Variants in NCOA1 observed in about 807,000 individuals in gnomAD.
NCOA1 encodes Hin-2 protein.
Under a neutral mutation model 150.9 loss-of-function variants are expected in NCOA1, and 35 were observed. The observed-to-expected ratio is 0.23, with a 90% CI of 0.18 to 0.31. The LOEUF (loss-of-function observed/expected upper bound fraction) is 0.31, where lower values mean the gene tolerates loss of function less well. Ranked by LOEUF, NCOA1 falls within the 10% of genes least tolerant of loss-of-function variation. The pLI is 1.00. For synonymous variants in NCOA1, 590 were observed against 630.0 expected (o/e 0.94, Z 0.95); for missense variants, 1,491 against 1,749.3 (o/e 0.85, Z 2.63).
intron 3 of NCOA1, among the ~76,000 whole-genome samples, chr2:24,588,246 A>C (rs901743559): frequency 6.6e-6 from 1 of 152,002 alleles, no homozygotes; most frequent in East Asian, 1.9e-4. Context: ...CACCATACCC[A>C]TTAATTTTTC....
intron 22 of NCOA1, among the ~76,000 whole-genome samples, chr2:24,765,777 TG>T (rs1184958773): frequency 1.3e-5 from 2 of 152,218 alleles, no homozygotes; most frequent in Non-Finnish European, 2.9e-5. Flanking sequence ...TCTGAGAAGT[TG>T]TGACAATATA....
chr2:24,686,928 A>G (rs1672430236), intron 8 of NCOA1, among the ~76,000 whole-genome samples: 1 of 151,786 alleles, frequency 6.6e-6, no homozygotes, highest in Non-Finnish European at 1.5e-5. Context: ...TTTGGTGATT[A>G]TTTTTCAACT....
intron 1 of NCOA1, among the ~76,000 whole-genome samples, chr2:24,553,354 G>T (rs1412960359): frequency 6.6e-6 from 1 of 152,024 alleles, no homozygotes; most frequent in African/African-American, 2.4e-5. Flanking sequence ...GAGTAGCTGG[G>T]ATTACAGGTG....
intron 1 of NCOA1, among the ~76,000 whole-genome samples, chr2:24,558,657 T>C (rs1017667455): frequency 1.3e-5 from 2 of 152,024 alleles, no homozygotes; most frequent in Admixed American, 6.6e-5. Context: ...TCAAACAATA[T>C]CAAAAGCGAA....
At chr2:24,731,658 A>C in intron 17 of NCOA1, among the ~76,000 whole-genome samples, 1 of 152,196 alleles carries the variant, frequency 6.6e-6, no homozygotes, top group Non-Finnish European at 1.5e-5. Context: ...TTCAAAGAAG[A>C]ATTAAAGGAA....
intron 1 of NCOA1, among the ~76,000 whole-genome samples, chr2:24,564,087 A>G (rs983734607): frequency 6.6e-6 from 1 of 152,206 alleles, no homozygotes; most frequent in Non-Finnish European, 1.5e-5. Context: ...CCTTTTGTCA[A>G]CTTGATATAT....
At chr2:24,586,236 A>G (rs1332415442) in intron 3 of NCOA1, among the ~76,000 whole-genome samples, 2 of 134,088 alleles carry the variant, frequency 1.5e-5, no homozygotes, top group Non-Finnish European at 3.1e-5. Flanking sequence ...ATATCGTGCC[A>G]CTGCACTTCA....
At chr2:24,756,317 C>T (rs1238081351) in intron 20 of NCOA1, among the ~76,000 whole-genome samples, 1 of 152,134 alleles carries the variant, frequency 6.6e-6, no homozygotes, top group Non-Finnish European at 1.5e-5. Flanking sequence ...GTTGTAGGAT[C>T]ACTGCCCCAT....
chr2:24,519,907 A>C (rs1355514852), intron 1 of NCOA1, among the ~76,000 whole-genome samples: 3 of 152,228 alleles, frequency 2.0e-5, no homozygotes, highest in African/African-American at 7.2e-5. Flanking sequence ...TAGAGTTATC[A>C]AAGCTCAATA....
At chr2:24,667,324 C>T (rs995287680) in intron 6 of NCOA1, among the ~76,000 whole-genome samples, 13 of 152,064 alleles carry the variant, frequency 8.5e-5, no homozygotes, top group Admixed American at 7.9e-4. Context: ...GTAAACTGAG[C>T]AGTCGGAAGA....
At chr2:24,658,822 C>A in intron 5 of NCOA1, 56 bp downstream of exon 5, 1 of 1,471,218 alleles carries the variant, frequency 6.8e-7, no homozygotes, top group Non-Finnish European at 9.5e-7. Context: ...ACTTTCACTG[C>A]CACTTCAGAG....
At chr2:24,758,264 C>T (rs552997366) in intron 21 of NCOA1, 108 bp downstream of exon 21, 3 of 1,078,708 alleles carry the variant, frequency 2.8e-6, no homozygotes, top group African/African-American at 1.6e-5. Flanking sequence ...CTTCTTTATT[C>T]TTTCCCACTA....
In NCOA1 at chr2:24,739,576, A is replaced by C. The variant is rs538328813; in HGVS notation, c.3303+43A>C. On this transcript the variant is annotated intron_variant, in intron 18 of 22. Transcript: ENST00000348332. ...GACGTCATTAGTACTTCTTTAACCC[A>C]CATAGTGTTTCTTAAAGTGTTGACT... 2.1e-6 allele frequency: 3 copies of C among 1,425,236 alleles called. No homozygotes were observed. In the South Asian group the frequency reaches 3.4e-5, roughly 16 times the overall value. The allele number at this position is 1,425,236 out of a possible 1,614,324, so 88.3% of individuals were successfully genotyped here. A position where few individuals can be genotyped will look rare whatever the true frequency, so the allele number is the denominator to read the frequency against.
chr2:24,492,454 C>T (rs1558738403), intron 1 of NCOA1, among the ~76,000 whole-genome samples: 1 of 152,096 alleles, frequency 6.6e-6, no homozygotes, highest in Non-Finnish European at 1.5e-5. Context: ...AGCAGTTACC[C>T]CCATGGGTAG....
At chr2:24,538,449 G>A (rs1047434997) in intron 1 of NCOA1, among the ~76,000 whole-genome samples, 1 of 152,214 alleles carries the variant, frequency 6.6e-6, no homozygotes, top group Non-Finnish European at 1.5e-5. Flanking sequence ...ACGGGAATCA[G>A]AAGATCTGGA....
At chr2:24,549,821 C>T (rs1244763284) in intron 1 of NCOA1, among the ~76,000 whole-genome samples, 8 of 152,200 alleles carry the variant, frequency 5.3e-5, no homozygotes, top group Non-Finnish European at 8.8e-5. Flanking sequence ...CCACCCACCT[C>T]GGCCTCCCAG....
chr2:24,646,146 A>G (rs761591959), intron 4 of NCOA1, among the ~76,000 whole-genome samples: 7 of 152,184 alleles, frequency 4.6e-5, no homozygotes, highest in Non-Finnish European at 1.0e-4. Context: ...CTTAACATTA[A>G]AAACAATTTC....
intron 1 of NCOA1, among the ~76,000 whole-genome samples, chr2:24,562,078 A>G (rs996521281): frequency 7.9e-5 from 12 of 152,198 alleles, no homozygotes. Context: ...ATCTACTATT[A>G]TTAAAGGGGG....
chr2:24,493,300 T>A (rs1321099668), intron 1 of NCOA1, among the ~76,000 whole-genome samples: 1 of 151,898 alleles, frequency 6.6e-6, no homozygotes, highest in African/African-American at 2.4e-5. Context: ...TTCTTCAGAC[T>A]CTATGCTTTG....
Sources: gnomAD v4.1 joint callset for allele counts (sites outside exome capture counted in the v4.1 genomes callset) on GRCh38, gnomAD v4.1.1 for gene constraint, MANE v1.5 for transcripts, NCBI Gene and HGNC (gene_info 2026-07-23, HGNC 2026-07-21) for gene names.